MBNL1: variants seen among roughly 807,000 people sequenced by gnomAD.
MBNL1 encodes muscleblind like splicing regulator 1, also known as muscleblind-like protein 1.
In MBNL1, 8 loss-of-function variants were observed where a neutral mutation model predicts 42.2. The ratio of observed to expected loss-of-function variants is 0.19; its 90% CI spans 0.11 to 0.34. The LOEUF is 0.34. Among genes scored for constraint, MBNL1 ranks in the 10% least tolerant of loss-of-function variants. MBNL1 has a pLI of 1.00. For synonymous variants in MBNL1, 169 were observed against 173.9 expected, an observed-to-expected ratio of 0.97 and a Z score of 0.22; for missense variants, 309 against 495.3, an observed-to-expected ratio of 0.62 and a Z score of 3.57.
chr3:152,302,404 G>A (rs895245629), intron 2 of MBNL1: 4 of 151,940 alleles, frequency 2.6e-5, no homozygotes, highest in Non-Finnish European at 5.9e-5. Context: ...CAGGACAGTA[G>A]CTTCTTAAAT....
rs1362889791 is a variant in MBNL1 at position 152,275,340 on chromosome 3, T to A, written c.-790+6248T>A. The stretch of plus-strand genomic sequence containing the variant: ...CTTACTGATGTTTCTGTTTACCAGA[T>A]CTTGGTTTCAAGATGCCAGGTTCTG... On this transcript the variant is annotated intron_variant, in intron 1 of 9. Coordinates refer to ENST00000324210, the MANE Select transcript of MBNL1 (RefSeq NM_021038.5). Among the ~76,000 whole-genome samples the A allele has an allele frequency of 2.0e-5, 3 of 152,204 alleles. No individual in the cohort carries two copies. The East Asian group carries it at 5.8e-4, about 29-fold the overall frequency.
intron 2 of MBNL1, among the ~76,000 whole-genome samples, chr3:152,363,850 C>G (rs1044123221): frequency 6.6e-6 from 1 of 151,982 alleles, no homozygotes; most frequent in East Asian, 1.9e-4. Flanking sequence ...AAATATACCA[C>G]GTAGTTTTTT....
intron 3 of MBNL1, among the ~76,000 whole-genome samples, chr3:152,415,885 G>A (rs1020841032): frequency 3.9e-5 from 6 of 152,284 alleles, no homozygotes; most frequent in Admixed American, 3.3e-4. Flanking sequence ...TCATCAAAAT[G>A]TGAAAGATTA....
chr3:152,392,204 AAG>A (rs1248947631), intron 2 of MBNL1, among the ~76,000 whole-genome samples: 1 of 152,208 alleles, frequency 6.6e-6, no homozygotes, highest in Non-Finnish European at 1.5e-5. Flanking sequence ...GAAGTACCTG[AAG>A]ATGGGTCTTA....
chr3:152,430,476 C>T (rs2098991899), intron 3 of MBNL1, among the ~76,000 whole-genome samples: 1 of 152,200 alleles, frequency 6.6e-6, no homozygotes, highest in Non-Finnish European at 1.5e-5. Context: ...AGTCCCCTGA[C>T]ATAGACTCTT....
chr3:152,309,609 TAAAGTC>T, intron 2 of MBNL1, among the ~76,000 whole-genome samples: 1 of 152,198 alleles, frequency 6.6e-6, no homozygotes, highest in East Asian at 1.9e-4. Context: ...CATGGAAAAT[TAAAGTC>T]AGAAAAGCTA....
At position 152,251,529 on chromosome 3, in the gene MBNL1, G is replaced by A. The variant is rs569336148; in HGVS notation, n.333+7089G>A. ...TGTCTCTTTAGTCTCCTTTTGTCTG[G>A]AACATTTCCGTATCATTTCTTTGTC... On this transcript the variant is annotated intron_variant and non_coding_transcript_variant, in intron 2 of 2. Coordinates refer to the MBNL1 transcript ENST00000477171. Among the ~76,000 whole-genome samples, 40 of 152,010 alleles carry A rather than the reference G, an allele frequency of 2.6e-4. No individual in the cohort carries two copies. In the South Asian group the frequency reaches 6.2e-3, roughly 24 times the overall value.
intron 1 of MBNL1, among the ~76,000 whole-genome samples, chr3:152,281,001 C>A (rs1291573142): frequency 1.3e-5 from 2 of 151,676 alleles, no homozygotes; most frequent in African/African-American, 4.8e-5. Context: ...AGTTTATGGC[C>A]TATAGAAAAA....
chr3:152,262,963 T>C (rs182281500), intron 2 of MBNL1: 1 of 152,350 alleles, frequency 6.6e-6, no homozygotes, highest in Admixed American at 6.5e-5. Context: ...TAGTAGAAGG[T>C]ACGCATACAT....
intron 2 of MBNL1, among the ~76,000 whole-genome samples, chr3:152,387,889 A>G (rs1403382975): frequency 6.6e-6 from 1 of 152,218 alleles, no homozygotes; most frequent in Non-Finnish European, 1.5e-5. Context: ...TAAGAAAAGG[A>G]TGAGATGGTA....
At chr3:152,323,859 A>G (rs2077888276) in intron 2 of MBNL1, among the ~76,000 whole-genome samples, 1 of 152,170 alleles carries the variant, frequency 6.6e-6, no homozygotes, top group African/African-American at 2.4e-5. Flanking sequence ...TTATACAGCT[A>G]TTGACTATAG....
At chr3:152,308,932 A>G (rs908967603) in intron 2 of MBNL1, among the ~76,000 whole-genome samples, 3 of 152,142 alleles carry the variant, frequency 2.0e-5, no homozygotes, top group African/African-American at 4.8e-5. Context: ...TTTAAGTAAT[A>G]TAACTTATGT....
In MBNL1 at chr3:152,300,028, G is replaced by A. The variant is rs1477004509; in HGVS notation, c.-166G>A. 1 of 527,870 alleles carries A rather than the reference G, an allele frequency of 1.9e-6. No individual in the cohort carries two copies. The highest frequency in any genetic ancestry group is 2.9e-5 in the South Asian group (1 of 34,432). The allele number at this position is 527,870 out of a possible 1,614,324, so 32.7% of individuals were successfully genotyped here. A position where few individuals can be genotyped will look rare whatever the true frequency, so the allele number is the denominator to read the frequency against. ...AGTGGGAGATCTTTTCCTTGATATT[G>A]ACGACACAATTTTCCATGTACTTTT... On this transcript the variant is annotated 5_prime_UTR_variant, in exon 2 of 10. Transcript: ENST00000324210.
At chr3:152,363,828 A>G (rs1330762612) in intron 2 of MBNL1, among the ~76,000 whole-genome samples, 4 of 152,174 alleles carry the variant, frequency 2.6e-5, no homozygotes, top group Non-Finnish European at 5.9e-5. Flanking sequence ...GATATATTCA[A>G]CAAGCACCTT....
intron 2 of MBNL1, chr3:152,340,914 C>T (rs763472485): frequency 2.5e-6 from 4 of 1,593,548 alleles, no homozygotes; most frequent in East Asian, 2.2e-5. Flanking sequence ...TTGTTCTCTT[C>T]TAATTCTCTC....
At chr3:152,300,494 A>G (rs2060282487) in intron 2 of MBNL1, 127 bp downstream of exon 2, 1 of 731,372 alleles carries the variant, frequency 1.4e-6, no homozygotes, top group African/African-American at 1.8e-5. Flanking sequence ...TGTGTTGATG[A>G]TGTTGGGCTG....
chr3:152,379,673 A>G (rs890075691), intron 2 of MBNL1, among the ~76,000 whole-genome samples: 2 of 152,168 alleles, frequency 1.3e-5, no homozygotes, highest in African/African-American at 4.8e-5. Context: ...TGACATCTAC[A>G]TTTAATAATT....
chr3:152,270,713 G>T (rs2040984148), intron 1 of MBNL1, among the ~76,000 whole-genome samples: 2 of 152,182 alleles, frequency 1.3e-5, no homozygotes, highest in African/African-American at 2.4e-5. Flanking sequence ...CTTTCTTAAA[G>T]TTGGTGACAA....
At chr3:152,300,881 G>T in intron 2 of MBNL1, 1 of 954,662 alleles carries the variant, frequency 1.0e-6, no homozygotes, top group Non-Finnish European at 1.2e-6. Flanking sequence ...TTATTTTCAG[G>T]CCAGAGCCAC....
Sources: gnomAD v4.1 joint callset for allele counts (sites outside exome capture counted in the v4.1 genomes callset) on GRCh38, gnomAD v4.1.1 for gene constraint, MANE v1.5 for transcripts, NCBI Gene and HGNC (gene_info 2026-07-23, HGNC 2026-07-21) for gene names.